MMP26: variants seen among roughly 807,000 people sequenced by gnomAD.
The protein encoded by MMP26 is matrix metallopeptidase 26.
In MMP26, 33 loss-of-function variants were observed where a neutral mutation model predicts 31.0. The observed-to-expected ratio is 1.06, with a 90% CI of 0.81 to 1.42. The LOEUF is 1.42. MMP26 is among the 40% of genes most tolerant of loss of function. The pLI, the probability that MMP26 is intolerant of heterozygous loss-of-function variation, is 0.00. For synonymous variants in MMP26, 122 were observed against 114.9 expected (o/e 1.06, Z -0.40); for missense variants, 347 against 316.1 (o/e 1.10, Z -0.74).
intron 2 of MMP26, among the ~76,000 whole-genome samples, chr11:4,850,590 T>C: frequency 1.3e-5 from 2 of 152,182 alleles, no homozygotes; most frequent in Admixed American, 1.3e-4. Context: ...CCACGAAAAT[T>C]GGGATCTAAA....
At chr11:4,860,418 A>G (rs966251273) in intron 2 of MMP26, 2 of 471,072 alleles carry the variant, frequency 4.2e-6, no homozygotes, top group Non-Finnish European at 8.8e-6. Flanking sequence ...CCTTGATGAC[A>G]GCTAGGATGG....
At chr11:4,806,439 G>A (rs562477630) in intron 2 of MMP26, among the ~76,000 whole-genome samples, 3 of 152,210 alleles carry the variant, frequency 2.0e-5, no homozygotes, top group Admixed American at 6.5e-5. Context: ...AGGATAGTTA[G>A]CTCTTCTTGT....
intron 2 of MMP26, among the ~76,000 whole-genome samples, chr11:4,863,055 C>T (rs1175024386): frequency 1.3e-5 from 2 of 152,210 alleles, no homozygotes; most frequent in East Asian, 3.9e-4. Flanking sequence ...CTGGTTCATC[C>T]CTACTGGGGG....
At chr11:4,810,291 T>C (rs1303506165) in intron 2 of MMP26, among the ~76,000 whole-genome samples, 2 of 138,160 alleles carry the variant, frequency 1.4e-5, no homozygotes. Flanking sequence ...TTTTGTACAA[T>C]ATGAAACTGC....
chr11:4,854,316 A>G (rs999691702), intron 2 of MMP26, among the ~76,000 whole-genome samples: 1 of 152,196 alleles, frequency 6.6e-6, no homozygotes, highest in Non-Finnish European at 1.5e-5. Flanking sequence ...TTCCTAGCCA[A>G]GGGAAGCTGT....
intron 2 of MMP26, chr11:4,822,247 A>G (rs750816894): frequency 1.3e-6 from 2 of 1,574,018 alleles, no homozygotes; most frequent in East Asian, 4.5e-5. Context: ...ATTTGTCCAC[A>G]TCATCATGGC....
rs114945109 is a variant in MMP26, at chr11:4,890,764, A to G, written c.-144-97304A>G. On this transcript the variant is annotated intron_variant, in intron 2 of 7. Coordinates refer to ENST00000380390, the MANE Select transcript of MMP26 (RefSeq NM_021801.5). ...AGATATTACTTCTAAACAGACTGTA[A>G]TAAAGTCAGATCTTGACTGACAAAG... Among the ~76,000 whole-genome samples, 1,183 of 152,216 alleles carry G rather than the reference A, an allele frequency of 7.8e-3. 14 individuals are homozygous for G. Among genetic ancestry groups the G allele is most frequent in the African/African-American group, 0.027 (1,125 of 41,542 alleles).
chr11:4,747,438 C>T (rs73393014), intron 1 of MMP26, among the ~76,000 whole-genome samples: 7,229 of 152,024 alleles, frequency 0.048, 536 homozygotes, highest in African/African-American at 0.17. Context: ...CATATCTATG[C>T]ATATAAATAT....
intron 2 of MMP26, chr11:4,946,959 G>A (rs1846321162): frequency 8.7e-6 from 14 of 1,605,264 alleles, no homozygotes; most frequent in Non-Finnish European, 1.1e-5. Flanking sequence ...ATGATAAAAA[G>A]AATGGTGCCA....
chr11:4,893,925 C>G (rs1206621560), intron 2 of MMP26, among the ~76,000 whole-genome samples: 1 of 151,268 alleles, frequency 6.6e-6, no homozygotes, highest in Non-Finnish European at 1.5e-5. Flanking sequence ...TATAGGGAGA[C>G]CTTGTCTCTA....
At chr11:4,734,438 T>C (rs1158941978) in intron 1 of MMP26, among the ~76,000 whole-genome samples, 1 of 151,914 alleles carries the variant, frequency 6.6e-6, no homozygotes, top group Admixed American at 6.6e-5. Flanking sequence ...TAGGTTTAGT[T>C]AGTTCTTCCT....
chr11:4,929,687 G>A (rs1851320177), intron 2 of MMP26, among the ~76,000 whole-genome samples: 1 of 152,098 alleles, frequency 6.6e-6, no homozygotes, highest in South Asian at 2.1e-4. Context: ...AGTAGCAAAA[G>A]CTAGATTATG....
intron 2 of MMP26, among the ~76,000 whole-genome samples, chr11:4,881,180 C>T (rs927961791): frequency 6.6e-6 from 1 of 152,104 alleles, no homozygotes; most frequent in Non-Finnish European, 1.5e-5. Context: ...GAGAGAAAGC[C>T]CTCTGCTTCT....
At chr11:4,910,798 G>A (rs1850979176) in intron 2 of MMP26, among the ~76,000 whole-genome samples, 1 of 151,776 alleles carries the variant, frequency 6.6e-6, no homozygotes, top group South Asian at 2.1e-4. Flanking sequence ...ATATCTATTG[G>A]TCAATTTGTA....
At position 4,717,302 on chromosome 11, in the gene MMP26, G is replaced by T. The variant is rs145502906; in HGVS notation, c.-217+12257G>T. On this transcript the variant is annotated intron_variant, in intron 1 of 7. Coordinates refer to ENST00000380390, the MANE Select transcript of MMP26 (RefSeq NM_021801.5). ...TCTGTATCTCAACAGTCTGGATTGC[G>T]GCTTGCACTCAGTAATGTTTGATGT... Among the ~76,000 whole-genome samples, 632 of 152,198 alleles carry T rather than the reference G, an allele frequency of 4.2e-3. 2 individuals carry two copies. The highest frequency in any genetic ancestry group is 7.2e-3 in the Non-Finnish European group (491 of 68,020).
chr11:4,805,978 G>A (rs2133456558), intron 2 of MMP26, among the ~76,000 whole-genome samples: 1 of 151,952 alleles, frequency 6.6e-6, no homozygotes, highest in African/African-American at 2.4e-5. Context: ...GAAACACCTG[G>A]GCAAGAAAAG....
At chr11:4,749,168 A>G (rs897524495) in intron 1 of MMP26, among the ~76,000 whole-genome samples, 1 of 152,084 alleles carries the variant, frequency 6.6e-6, no homozygotes, top group African/African-American at 2.4e-5. Flanking sequence ...CTGAGAACCA[A>G]ATTAAGAACT....
intron 2 of MMP26, among the ~76,000 whole-genome samples, chr11:4,966,579 G>A (rs749757240): frequency 2.0e-5 from 3 of 152,192 alleles, no homozygotes; most frequent in Non-Finnish European, 4.4e-5. Flanking sequence ...TTCAGAGATG[G>A]CTGAGTAGAA....
chr11:4,803,542 G>A, intron 2 of MMP26: 1 of 1,614,034 alleles, frequency 6.2e-7, no homozygotes, highest in Non-Finnish European at 8.5e-7. Flanking sequence ...ATAGAGATTA[G>A]CAAACAGGAT....
Sources: gnomAD v4.1 joint callset for allele counts (sites outside exome capture counted in the v4.1 genomes callset) on GRCh38, gnomAD v4.1.1 for gene constraint, MANE v1.5 for transcripts, NCBI Gene and HGNC (gene_info 2026-07-23, HGNC 2026-07-21) for gene names.